Variants in HSPA12A observed in about 807,000 individuals in gnomAD.
The protein encoded by HSPA12A is heat shock protein family A (Hsp70) member 12A.
In HSPA12A, 28 loss-of-function variants were observed where a neutral mutation model predicts 69.2. That is an observed-to-expected ratio of 0.40 (90% CI 0.30 to 0.55). The LOEUF (loss-of-function observed/expected upper bound fraction) is 0.55. Among genes scored for constraint, HSPA12A ranks in the 20% least tolerant of loss-of-function variants. The pLI, the probability that HSPA12A is intolerant of heterozygous loss-of-function variation, is 0.38. For synonymous variants in HSPA12A, 345 were observed against 370.5 expected, an observed-to-expected ratio of 0.93 and a Z score of 0.79; for missense variants, 686 against 900.7, an observed-to-expected ratio of 0.76 and a Z score of 3.05.
intron 2 of HSPA12A, among the ~76,000 whole-genome samples, chr10:116,747,810 C>T (rs1162005044): frequency 6.6e-6 from 1 of 151,724 alleles, no homozygotes; most frequent in Non-Finnish European, 1.5e-5. Context: ...ACCAGCCTGG[C>T]CAACATGGTG....
chr10:116,674,674 T>G lies in HSPA12A; in HGVS notation c.*107A>C. The G allele has an allele frequency of 8.7e-7, 1 of 1,143,448 alleles. No homozygotes were observed. 70.8% of individuals were successfully genotyped at this position (1,143,448 alleles called of 1,614,324 possible). ...TTGTTCTCATCTTCCCTGCTGAAAT[T>G]CACATGGGCAATGGTGAGGGTCAAG... On this transcript the variant is annotated 3_prime_UTR_variant, in exon 12 of 12. Transcript: ENST00000369209.
chr10:116,684,806 A>G (rs888363919), intron 6 of HSPA12A, among the ~76,000 whole-genome samples: 18 of 152,172 alleles, frequency 1.2e-4, no homozygotes, highest in Admixed American at 5.9e-4. Context: ...CTTGGCCTGT[A>G]GTAGGCAGAA....
At chr10:116,799,832 G>A (rs1314215080) in intron 2 of HSPA12A, among the ~76,000 whole-genome samples, 1 of 152,212 alleles carries the variant, frequency 6.6e-6, no homozygotes, top group Non-Finnish European at 1.5e-5. Context: ...CCTTCATTCA[G>A]AAAGATTTAG....
rs548104586 is a variant in HSPA12A at position 116,690,754 on chromosome 10, C to T, written c.663+1597G>A. The stretch of plus-strand genomic sequence containing the variant: ...TTGTCCCACCTCCTAGAAGAGCCAG[C>T]CCAGGGCTCAAACTCCCCTGACAGA... On this transcript the variant is annotated intron_variant, in intron 6 of 11. Transcript: ENST00000369209. 9.1e-4 allele frequency among the ~76,000 whole-genome samples: 139 copies of T among 152,266 alleles called. 2 individuals are homozygous for T. In the South Asian group the frequency reaches 0.026, roughly 29 times the overall value.
chr10:116,681,858 A>C lies in HSPA12A; in HGVS notation c.855T>G (p.Arg285=), dbSNP rs781967489. ...CCAAAAAGGTCCGACTCTGCCGATT[A>C]CGCCGTATGTGTTCCTTAGCTAGTG... ...GFTQAKEHIR[R]NRQSRTFLVE... is the part of the protein sequence containing the mutation. The change falls in exon 8 of 12, where the codon CGT becomes CGG. Residue 285 remains arginine (R), a synonymous_variant. Transcript: ENST00000369209. 3 of 1,614,192 alleles carry C rather than the reference A, an allele frequency of 1.9e-6. No individual in the cohort carries two copies. Among genetic ancestry groups the C allele is most frequent in the Non-Finnish European group, 2.5e-6 (3 of 1,180,016 alleles).
intron 6 of HSPA12A, among the ~76,000 whole-genome samples, chr10:116,690,344 C>T (rs1014059045): frequency 2.6e-5 from 4 of 152,260 alleles, no homozygotes; most frequent in South Asian, 2.1e-4. Context: ...GTGCCTACCA[C>T]GGTCCTGACA....
intron 2 of HSPA12A, among the ~76,000 whole-genome samples, chr10:116,774,648 C>T (rs1844292583): frequency 6.6e-6 from 1 of 152,210 alleles, no homozygotes; most frequent in African/African-American, 2.4e-5. Context: ...CCAGATCCAT[C>T]TCTTAGGAGA....
chr10:116,679,823 T>A, intron 9 of HSPA12A, 62 bp from the exon 10 acceptor site: 1 of 1,570,212 alleles, frequency 6.4e-7, no homozygotes, highest in Non-Finnish European at 8.7e-7. Flanking sequence ...CAATCCAGAC[T>A]CTGAGAAACA....
intron 5 of HSPA12A, among the ~76,000 whole-genome samples, chr10:116,697,119 G>A (rs1177712545): frequency 2.0e-5 from 3 of 152,202 alleles, no homozygotes; most frequent in African/African-American, 7.2e-5. Context: ...TACTTGAATA[G>A]ATGAAAGTAA....
intron 2 of HSPA12A, among the ~76,000 whole-genome samples, chr10:116,806,332 T>C (rs1179058753): frequency 6.6e-6 from 1 of 152,162 alleles, no homozygotes; most frequent in Non-Finnish European, 1.5e-5. Context: ...TCCTCCTCAG[T>C]GGCTGGGACT....
rs782115853 is a variant in HSPA12A at position 116,675,179 on chromosome 10, G to A, written c.1630C>T (p.Arg544Cys). 1.5e-5 allele frequency: 24 copies of A among 1,613,668 alleles called. No individual in the cohort carries two copies. The highest frequency in any genetic ancestry group is 5.0e-5 in the Admixed American group (3 of 60,004). Residue 544 changes from arginine (R) to cysteine (C), a missense_variant, in exon 12 of 12, where the codon CGC (arginine) becomes TGC (cysteine). Physicochemically the swap from Arg to Cys is radical, Grantham distance 180 (BLOSUM62 -3). Transcript: ENST00000369209. This position sits in a 1 kb window ranked among gnomAD's most constrained non-coding sequence, Gnocchi z 5.2. ...PLTYGVGVLN[R>C]YVEGKHPPEK... ...GGCGGGTGCTTGCCCTCCACGTAGC[G>A]GTTCAGCACGCCTACCCCGTAGGTG...
chr10:116,723,616 G>A lies in HSPA12A; in HGVS notation c.41-16331C>T, dbSNP rs1221644946. Among the ~76,000 whole-genome samples the A allele has an allele frequency of 1.3e-5, 2 of 152,206 alleles. No individual in the cohort carries two copies. Among genetic ancestry groups the A allele is most frequent in the Non-Finnish European group, 1.5e-5 (1 of 68,038 alleles). Reference sequence around the variant, plus strand: ...CATAAGGAAACTCCAGCACCGAGCTGGGTGAGGTTAGGTGCTCAGGAAGCA... The same window carrying A: ...CATAAGGAAACTCCAGCACCGAGCTAGGTGAGGTTAGGTGCTCAGGAAGCA... On this transcript the variant is annotated intron_variant, in intron 1 of 11. Coordinates refer to ENST00000369209, the MANE Select transcript of HSPA12A (RefSeq NM_025015.3). This position sits in a 1 kb window ranked among gnomAD's most constrained non-coding sequence, Gnocchi z 4.1.
At chr10:116,810,130 G>A (rs1845147848) in intron 2 of HSPA12A, among the ~76,000 whole-genome samples, 1 of 152,164 alleles carries the variant, frequency 6.6e-6, no homozygotes, top group Non-Finnish European at 1.5e-5. Context: ...GGGGTCGCAA[G>A]GTGTTTCTTC....
chr10:116,730,092 A>C (rs1285849793), intron 1 of HSPA12A, among the ~76,000 whole-genome samples: 1 of 152,246 alleles, frequency 6.6e-6, no homozygotes, highest in Non-Finnish European at 1.5e-5. Flanking sequence ...GTGAGGCAGA[A>C]GAATCGCTTG....
intron 2 of HSPA12A, among the ~76,000 whole-genome samples, chr10:116,762,365 T>C (rs1843991214): frequency 6.6e-6 from 1 of 152,206 alleles, no homozygotes; most frequent in African/African-American, 2.4e-5. Flanking sequence ...GTTTTTCTTT[T>C]TTTGTAAAAT....
At chr10:116,726,029 A>G (rs7909511) in intron 1 of HSPA12A, among the ~76,000 whole-genome samples, 169 of 61,046 alleles carry the variant, frequency 2.8e-3, no homozygotes, top group South Asian at 0.011. Context: ...ACACACACGC[A>G]CACACACACA....
At chr10:116,697,777 A>G (rs1664072914) in intron 5 of HSPA12A, among the ~76,000 whole-genome samples, 1 of 152,134 alleles carries the variant, frequency 6.6e-6, no homozygotes, top group Admixed American at 6.5e-5. Context: ...GCCCAACCCC[A>G]TTACCTAATT....
intron 2 of HSPA12A, among the ~76,000 whole-genome samples, chr10:116,797,050 A>G (rs1844842405): frequency 6.6e-6 from 1 of 152,162 alleles, no homozygotes; most frequent in African/African-American, 2.4e-5. Flanking sequence ...AGTGAACCCC[A>G]CCAGGATGTG....
intron 2 of HSPA12A, among the ~76,000 whole-genome samples, chr10:116,753,490 G>A (rs1843754488): frequency 6.6e-6 from 1 of 152,206 alleles, no homozygotes; most frequent in African/African-American, 2.4e-5. Flanking sequence ...CTGATGCCCA[G>A]TCTCCCCATC....
Sources: allele counts gnomAD v4.1 joint callset (sites outside exome capture counted in the v4.1 genomes callset), GRCh38; gene constraint gnomAD v4.1.1; non-coding constraint Gnocchi (gnomAD v3.1); transcripts MANE v1.5; gene names NCBI Gene and HGNC (gene_info 2026-07-23, HGNC 2026-07-21).